Variants in NHSL1 observed in about 807,000 individuals in gnomAD.
NHSL1 encodes NHS-like protein 1.
NHSL1 carries 48 observed loss-of-function variants against 95.0 expected under a neutral mutation model. The ratio of observed to expected loss-of-function variants is 0.51; its 90% confidence interval spans 0.40 to 0.64. NHSL1 has a LOEUF of 0.64. Ranked by LOEUF, NHSL1 falls within the 30% of genes least tolerant of loss-of-function variation. The probability of loss-of-function intolerance (pLI) is 0.00; values close to 1 mark genes in which losing one functional copy is unlikely to be tolerated. For missense variants in NHSL1, 1,971 were observed against 2,077.7 expected (o/e 0.95, Z 1.00); for synonymous variants, 783 against 833.9 (o/e 0.94, Z 1.05).
chr6:138,647,602 CTT>C (rs368149578), intron 1 of NHSL1, among the ~76,000 whole-genome samples: 27 of 136,144 alleles, frequency 2.0e-4, no homozygotes, highest in Non-Finnish European at 1.9e-4. Context: ...ATATTTCTCA[CTT>C]TTTTTTTTTT....
intron 1 of NHSL1, among the ~76,000 whole-genome samples, chr6:138,614,065 T>C (rs978143413): frequency 2.0e-5 from 3 of 152,210 alleles, no homozygotes; most frequent in African/African-American, 7.2e-5. Flanking sequence ...ACAGCCTTGA[T>C]GTTTGGGGGA....
At chr6:138,692,998 G>T (rs1374538600), upstream of NHSL1, among the ~76,000 whole-genome samples, 3 of 151,296 alleles carry the variant, frequency 2.0e-5, no homozygotes, top group Non-Finnish European at 4.4e-5. This position sits in a 1 kb window ranked among gnomAD's most constrained non-coding sequence, Gnocchi z 4.0. Context: ...CCGAGCCGTG[G>T]CTGCCTGGCG....
intron 1 of NHSL1, among the ~76,000 whole-genome samples, chr6:138,583,812 G>A (rs1423744026): frequency 6.6e-6 from 1 of 152,128 alleles, no homozygotes; most frequent in Non-Finnish European, 1.5e-5. Context: ...TTAAGGCTTT[G>A]TCAACTCTAT....
chr6:138,432,255 T>C lies in NHSL1; in HGVS notation c.2090A>G (p.Asn697Ser). The change falls in exon 6 of 8, where the codon AAC (asparagine) becomes AGC (serine). Residue 697 changes from asparagine (N) to serine (S), a missense_variant. Asn to Ser is a conservative substitution (Grantham distance 46, BLOSUM62 1). This residue lies in a region of NHSL1 where 1,602 missense variants were observed against 1,654.5 expected (regional missense o/e 0.97). Coordinates refer to ENST00000343505, the MANE Select transcript of NHSL1 (RefSeq NM_001144060.2). The surrounding 1 kb of genome is among the most constrained non-coding windows in gnomAD (Gnocchi z 4.4). Reference sequence around the variant, plus strand: ...CTGGAGTGTGGCGATCAGGCTCTCGTTGAGCACCTGCCCGTTGCACTGGCT... The same window carrying C: ...CTGGAGTGTGGCGATCAGGCTCTCGCTGAGCACCTGCCCGTTGCACTGGCT... Reference protein sequence around the residue: ...KSSQCNGQVLNESLIATLQHS... With the variant: ...KSSQCNGQVLSESLIATLQHS... 1 of 1,550,512 alleles carries C rather than the reference T, an allele frequency of 6.4e-7. No homozygotes were observed. Among genetic ancestry groups the C allele is most frequent in the Non-Finnish European group, 8.7e-7 (1 of 1,146,398 alleles).
intron 2 of NHSL1, among the ~76,000 whole-genome samples, chr6:138,489,362 GAAAC>G (rs1210205467): frequency 6.6e-6 from 1 of 152,102 alleles, no homozygotes; most frequent in African/African-American, 2.4e-5. Flanking sequence ...AAATGTTGAA[GAAAC>G]AAACAAAATT....
At chr6:138,493,657 G>A (rs1212003935) in intron 2 of NHSL1, among the ~76,000 whole-genome samples, 1 of 152,248 alleles carries the variant, frequency 6.6e-6, no homozygotes, top group East Asian at 1.9e-4. Context: ...ATGAGGCACT[G>A]CCTCGGGGAT....
upstream of NHSL1, among the ~76,000 whole-genome samples, chr6:138,501,485 GA>G (rs1345976902): frequency 6.6e-6 from 1 of 152,156 alleles, no homozygotes; most frequent in Non-Finnish European, 1.5e-5. Flanking sequence ...TGGTCCTCGT[GA>G]AAAGTCGAGA....
intron 1 of NHSL1, among the ~76,000 whole-genome samples, chr6:138,625,277 G>A (rs936877506): frequency 6.6e-6 from 1 of 151,948 alleles, no homozygotes; most frequent in Admixed American, 6.6e-5. Flanking sequence ...TGAGTAGCTG[G>A]GACTACAGGT....
chr6:138,545,694 C>T, exon 1 of NHSL1: 1 of 1,286,056 alleles, frequency 7.8e-7, no homozygotes, highest in Non-Finnish European at 1.0e-6. Flanking sequence ...GCCTGCAGTG[C>T]TAGGCACAGC....
rs777156294 is a variant in NHSL1, at chr6:138,606,702, C to CTTTT, written c.96+85770_96+85773dup. Among the ~76,000 whole-genome samples, 86 of 123,354 alleles carry CTTTT rather than the reference C, an allele frequency of 7.0e-4. 1 individual carries two copies. The highest frequency in any genetic ancestry group is 1.0e-3 in the Non-Finnish European group (61 of 60,338). The allele number at this position is 123,354 out of a possible 152,430, so 80.9% of individuals were successfully genotyped here. A position where few individuals can be genotyped will look rare whatever the true frequency, so the allele number is the denominator to read the frequency against. On this transcript the variant is annotated intron_variant, in intron 1 of 3. Coordinates refer to the NHSL1 transcript ENST00000491526. ...GCTACTTCTTTTTCTTTCTTTCTTT[C>CTTTT]TTTTTTTTTTTTTTTTTTGAGACAG...
chr6:138,522,463 G>A (rs1275354308), intron 1 of NHSL1, among the ~76,000 whole-genome samples: 3 of 152,184 alleles, frequency 2.0e-5, no homozygotes, highest in Non-Finnish European at 4.4e-5. Flanking sequence ...TCAACATGGT[G>A]AAACCCCATC....
At chr6:138,469,451 C>T (rs55684552) in intron 3 of NHSL1, among the ~76,000 whole-genome samples, 18,493 of 152,204 alleles carry the variant, frequency 0.12, 1,169 homozygotes, top group Middle Eastern at 0.16. Context: ...AGGCTGAGCG[C>T]GATGACTCAC....
intron 1 of NHSL1, among the ~76,000 whole-genome samples, chr6:138,606,702 C>CTTTTTTTTTTTT (rs777156294): frequency 1.6e-5 from 2 of 123,402 alleles, no homozygotes; most frequent in Non-Finnish European, 3.3e-5. Flanking sequence ...TTCTTTCTTT[C>CTTTTTTTTTTTT]TTTTTTTTTT....
At chr6:138,470,106 A>G (rs967204975) in intron 3 of NHSL1, among the ~76,000 whole-genome samples, 1 of 152,202 alleles carries the variant, frequency 6.6e-6, no homozygotes, top group Non-Finnish European at 1.5e-5. Context: ...TTCTGAAACC[A>G]ATTTCTTAAC....
intron 1 of NHSL1, among the ~76,000 whole-genome samples, chr6:138,517,595 A>T (rs1328494647): frequency 2.6e-5 from 4 of 152,358 alleles, no homozygotes; most frequent in Admixed American, 2.6e-4. Flanking sequence ...GAGCACTTAG[A>T]GGCAAACAAT....
At chr6:138,621,248 T>TTA (rs1323461145) in intron 1 of NHSL1, among the ~76,000 whole-genome samples, 4 of 152,218 alleles carry the variant, frequency 2.6e-5, no homozygotes, top group Non-Finnish European at 5.9e-5. Flanking sequence ...CTGTCTATAA[T>TTA]AAGTATGCTT....
chr6:138,424,066 G>T lies in NHSL1; in HGVS notation c.*15C>A. 2 of 1,363,762 alleles carry T rather than the reference G, an allele frequency of 1.5e-6. No individual in the cohort carries two copies. Among genetic ancestry groups the T allele is most frequent in the Non-Finnish European group, 1.9e-6 (2 of 1,060,620 alleles). 84.5% of individuals were successfully genotyped at this position (1,363,762 alleles called of 1,614,324 possible). ...GTCTCCCCCCGTGTCACCTGGGAGA[G>T]TTACGTTCTTGGCCCTAACTCTCCT... is the stretch of plus-strand genomic sequence containing the variant. On this transcript the variant is annotated 3_prime_UTR_variant, in exon 8 of 8. Transcript: ENST00000343505. The surrounding 1 kb of genome is among the most constrained non-coding windows in gnomAD (Gnocchi z 5.9).
At position 138,473,422 on chromosome 6, in the gene NHSL1, A is replaced by T. The variant is rs992430754; in HGVS notation, c.223T>A (p.Leu75Met). The T allele has an allele frequency of 3.2e-5, 48 of 1,504,014 alleles. No homozygotes were observed. The highest frequency in any genetic ancestry group is 4.1e-5 in the Non-Finnish European group (46 of 1,122,906). 93.2% of individuals were successfully genotyped at this position (1,504,014 alleles called of 1,614,324 possible). A position where few individuals can be genotyped will look rare whatever the true frequency, so the allele number is the denominator to read the frequency against. ...GAACTGCGGTAGCCATCATGCCGCA[A>T]CTTATCGCATTCTGCAGAGGGGCAC... ...LKSVLRECDK[L>M]RHDGYRSSQY... Residue 75 changes from leucine to methionine, a missense_variant, in exon 3 of 8, where the codon TTG becomes ATG. By Grantham distance (15) the Leu-to-Met change is conservative (BLOSUM62 2). Coordinates refer to ENST00000343505, the MANE Select transcript of NHSL1 (RefSeq NM_001144060.2).
At chr6:138,448,411 A>G (rs368617029) in intron 3 of NHSL1, among the ~76,000 whole-genome samples, 1 of 152,106 alleles carries the variant, frequency 6.6e-6, no homozygotes, top group African/African-American at 2.4e-5. Flanking sequence ...AATTATGAAA[A>G]TAAAGCTTTT....
Sources: allele counts gnomAD v4.1 joint callset (sites outside exome capture counted in the v4.1 genomes callset), GRCh38; gene constraint gnomAD v4.1.1; regional missense constraint gnomAD v4.1.1; non-coding constraint Gnocchi (gnomAD v3.1); transcripts MANE v1.5; gene names NCBI Gene and HGNC (gene_info 2026-07-23, HGNC 2026-07-21).